Variants in FHIT observed in about 807,000 individuals in gnomAD.
FHIT encodes the protein fragile histidine triad diadenosine triphosphatase.
FHIT carries 19 observed loss-of-function variants against 17.9 expected under a neutral mutation model. The observed-to-expected ratio is 1.06, with a 90% CI of 0.74 to 1.56. The LOEUF (loss-of-function observed/expected upper bound fraction) is 1.56, where lower values mean the gene tolerates loss of function less well. Among genes scored for constraint, FHIT ranks in the 40% most tolerant of loss-of-function variants. The pLI is 0.00. For missense variants in FHIT, 248 were observed against 189.2 expected (o/e 1.31, Z -1.82); for synonymous variants, 81 against 69.7 (o/e 1.16, Z -0.81).
chr3:61,104,946 A>AT (rs1177133276), intron 2 of FHIT, among the ~76,000 whole-genome samples: 1 of 151,896 alleles, frequency 6.6e-6, no homozygotes, highest in African/African-American at 2.4e-5. Context: ...TATATTGACT[A>AT]TTTTTTCTGT....
At chr3:60,855,354 G>T (rs1252626731) in intron 3 of FHIT, among the ~76,000 whole-genome samples, 2 of 152,138 alleles carry the variant, frequency 1.3e-5, no homozygotes, top group East Asian at 3.8e-4. Flanking sequence ...TTGGTAAAAA[G>T]TCATAGTTGC....
intron 3 of FHIT, among the ~76,000 whole-genome samples, chr3:60,842,392 A>G (rs1233517639): frequency 2.0e-5 from 3 of 151,760 alleles, no homozygotes; most frequent in Admixed American, 2.0e-4. Flanking sequence ...AGCTTAGCCC[A>G]AATGACACCC....
intron 8 of FHIT, among the ~76,000 whole-genome samples, chr3:59,800,745 G>A (rs1172470592): frequency 1.3e-5 from 2 of 152,156 alleles, no homozygotes; most frequent in Admixed American, 1.3e-4. Context: ...GAGAAAGGGG[G>A]TCTTAAATGT....
intron 5 of FHIT, among the ~76,000 whole-genome samples, chr3:60,477,883 G>C (rs547039757): frequency 6.6e-6 from 1 of 152,198 alleles, no homozygotes; most frequent in East Asian, 1.9e-4. Context: ...TTTTCACCCT[G>C]TTCATAGTAC....
rs1042043471 is a variant in FHIT at position 60,357,010 on chromosome 3, C to A, written c.103+179850G>T. On this transcript the variant is annotated intron_variant, in intron 5 of 9. Coordinates refer to ENST00000492590, the MANE Select transcript of FHIT (RefSeq NM_002012.4). ...GCTCTTAAAACAATAAGGTGAAAAA[C>A]CACATTGTTGAGGAGAGCCATACAA... Among the ~76,000 whole-genome samples the A allele has an allele frequency of 5.9e-5, 9 of 152,082 alleles. No individual in the cohort carries two copies. The South Asian group carries it at 8.3e-4, about 14-fold the overall frequency.
chr3:60,298,108 C>A (rs1185725334), intron 5 of FHIT, among the ~76,000 whole-genome samples: 1 of 152,040 alleles, frequency 6.6e-6, no homozygotes, highest in Non-Finnish European at 1.5e-5. Context: ...GCCCTCTCTA[C>A]GAGCACCACC....
intron 5 of FHIT, among the ~76,000 whole-genome samples, chr3:60,091,674 C>T (rs778753550): frequency 2.5e-4 from 38 of 152,094 alleles, no homozygotes; most frequent in African/African-American, 6.3e-4. Context: ...CGAATGGTTT[C>T]GCACCATCCC....
At chr3:60,220,937 G>C (rs1270481954) in intron 5 of FHIT, among the ~76,000 whole-genome samples, 1 of 152,190 alleles carries the variant, frequency 6.6e-6, no homozygotes, top group Admixed American at 6.5e-5. Flanking sequence ...AGAGCAACGT[G>C]TGGGGATTGT....
intron 2 of FHIT, among the ~76,000 whole-genome samples, chr3:61,056,503 C>T (rs1407880326): frequency 6.6e-6 from 1 of 152,140 alleles, no homozygotes; most frequent in Non-Finnish European, 1.5e-5. Context: ...AAAAACAGGG[C>T]AGAGTAAGAA....
chr3:60,699,110 T>A (rs531702697), intron 4 of FHIT, among the ~76,000 whole-genome samples: 2 of 152,212 alleles, frequency 1.3e-5, no homozygotes, highest in African/African-American at 4.8e-5. Context: ...TCTGTGTGTG[T>A]ATAGTTGTAA....
intron 5 of FHIT, among the ~76,000 whole-genome samples, chr3:60,387,023 C>CTTTTTTTTTTTTTT (rs71627536): frequency 7.3e-6 from 1 of 136,406 alleles, no homozygotes; most frequent in Non-Finnish European, 1.6e-5. Context: ...TCTATTTATT[C>CTTTTTTTTTTTTTT]TTTTTTTTTT....
chr3:60,207,966 G>T (rs766709566), intron 5 of FHIT, among the ~76,000 whole-genome samples: 7 of 152,160 alleles, frequency 4.6e-5, no homozygotes, highest in Non-Finnish European at 1.0e-4. Context: ...GAGCTGGTAA[G>T]AGCAAACTGC....
intron 1 of FHIT, among the ~76,000 whole-genome samples, chr3:61,200,879 A>G (rs1391841339): frequency 1.3e-5 from 2 of 152,238 alleles, no homozygotes; most frequent in Non-Finnish European, 2.9e-5. Flanking sequence ...CCAGAATTGA[A>G]GCACACAAAC....
rs1157439731 is a variant in FHIT, at chr3:60,771,952, G to C, written c.-18+49967C>G. ...ACACAATTTTGGCTCTCTTCTGCAG[G>C]AAACTCAGAGGAGTGCCCAATCCAG... On this transcript the variant is annotated intron_variant, in intron 4 of 9. Coordinates refer to ENST00000492590, the MANE Select transcript of FHIT (RefSeq NM_002012.4). 4.6e-5 allele frequency among the ~76,000 whole-genome samples: 7 copies of C among 152,144 alleles called. No homozygotes were observed. In the East Asian group the frequency reaches 1.4e-3, roughly 29 times the overall value.
chr3:60,512,651 G>T (rs1378498273), intron 5 of FHIT, among the ~76,000 whole-genome samples: 1 of 152,216 alleles, frequency 6.6e-6, no homozygotes, highest in African/African-American at 2.4e-5. Flanking sequence ...ATTGTCATTA[G>T]TGATGCCAAT....
chr3:60,205,384 A>G (rs1576305825), intron 5 of FHIT, among the ~76,000 whole-genome samples: 1 of 152,218 alleles, frequency 6.6e-6, no homozygotes, highest in Non-Finnish European at 1.5e-5. Flanking sequence ...CAAATACACA[A>G]GTATAATCAT....
At position 61,083,600 on chromosome 3, in the gene FHIT, A is replaced by G. The variant is rs114856850; in HGVS notation, c.-163-41501T>C. Among the ~76,000 whole-genome samples, 922 of 152,258 alleles carry G rather than the reference A, an allele frequency of 6.1e-3. 7 individuals carry two copies. The highest frequency in any genetic ancestry group is 0.021 in the African/African-American group (868 of 41,572). On this transcript the variant is annotated intron_variant, in intron 2 of 9. Coordinates refer to ENST00000492590, the MANE Select transcript of FHIT (RefSeq NM_002012.4). ...GAGACTCCGTCTCAAAAACAAAAAG[A>G]AAAAGAAACCTTATACCTACTAGCT...
At chr3:60,374,397 G>T (rs1700457850) in intron 5 of FHIT, among the ~76,000 whole-genome samples, 2 of 151,680 alleles carry the variant, frequency 1.3e-5, no homozygotes, top group African/African-American at 4.9e-5. Flanking sequence ...ATGCAATTCT[G>T]TAAGTTTTTA....
intron 5 of FHIT, among the ~76,000 whole-genome samples, chr3:60,308,580 C>A (rs892302267): frequency 6.6e-6 from 1 of 151,180 alleles, no homozygotes; most frequent in Non-Finnish European, 1.5e-5. Context: ...GGGTCCCCCC[C>A]CAACAATTAG....
Sources: allele counts gnomAD v4.1 joint callset (sites outside exome capture counted in the v4.1 genomes callset), GRCh38; gene constraint gnomAD v4.1.1; transcripts MANE v1.5; gene names NCBI Gene and HGNC (gene_info 2026-07-23, HGNC 2026-07-21).